The following LAIR1 variants were observed in gnomAD, a reference collection of about 807,000 sequenced individuals.
LAIR1 encodes leukocyte associated immunoglobulin like receptor 1, also known as leukocyte-associated immunoglobulin-like receptor 1.
Under a neutral mutation model 32.8 loss-of-function variants are expected in LAIR1, and 24 were observed. That is an observed-to-expected ratio of 0.73 (90% confidence interval 0.53 to 1.03). The LOEUF (loss-of-function observed/expected upper bound fraction) is 1.03. Among genes scored for constraint, LAIR1 ranks in the 50% least tolerant of loss-of-function variants. LAIR1 has a pLI of 0.00. For missense variants in LAIR1, 355 were observed against 347.5 expected, an observed-to-expected ratio of 1.02 and a Z score of -0.17; for synonymous variants, 150 against 140.5, an observed-to-expected ratio of 1.07 and a Z score of -0.48.
upstream of LAIR1, chr19:54,368,362 T>C (rs1483148724): frequency 1.3e-5 from 2 of 152,206 alleles, no homozygotes; most frequent in African/African-American, 4.8e-5. Flanking sequence ...AACTTAGCAT[T>C]GAACATGAGG....
At chr19:54,367,971 A>C (rs2082306876), upstream of LAIR1, among the ~76,000 whole-genome samples, 1 of 150,626 alleles carries the variant, frequency 6.6e-6, no homozygotes, top group African/African-American at 2.4e-5. Context: ...ACGGGGTTTC[A>C]CCTTGTTAGC....
chr19:54,357,561 G>T (rs757790953), intron 4 of LAIR1: 1 of 153,888 alleles, frequency 6.5e-6, no homozygotes, highest in Non-Finnish European at 1.4e-5. Flanking sequence ...TAGCGGGCGA[G>T]TGTGTGGGGC....
Position 54,356,543 on chromosome 19 carries a change from A to G in LAIR1, c.531T>C (p.Cys177=), listed in dbSNP as rs1318332404. 1 of 1,613,750 alleles carries G rather than the reference A, an allele frequency of 6.2e-7. No individual in the cohort carries two copies. Among genetic ancestry groups the G allele is most frequent in the South Asian group, 1.1e-5 (1 of 91,044 alleles). The change falls in exon 6 of 10, where the codon TGT becomes TGC. Residue 177 remains cysteine, a synonymous_variant. Transcript: ENST00000391742. ...GGCAGAAGAGGACCAGGAGGAGGAG[A>G]CAGAAGAGGAAGACCACTGAGACCC... ...LIGVSVVFLF[C]LLLLVLFCLH... is the part of the protein sequence containing the mutation.
At chr19:54,368,711 A>ATTTATT (rs1569210044), upstream of LAIR1, 3 of 144,768 alleles carry the variant, frequency 2.1e-5, no homozygotes, top group African/African-American at 8.4e-5. Flanking sequence ...ATTTATTTAT[A>ATTTATT]TATTTATTTT....
rs200594234 is a variant in LAIR1, at chr19:54,364,725, A to G, written c.34+46T>C. On this transcript the variant is annotated intron_variant, in intron 1 of 9. Transcript: ENST00000391742. The surrounding 1 kb of genome is among the most constrained non-coding windows in gnomAD (Gnocchi z 4.8). Reference sequence around the variant, plus strand: ...CAGGCTTGAGCAGGGAATTTTCCAGACCTCCCGACCCCCTTTCCAGCCTCC... The same window carrying G: ...CAGGCTTGAGCAGGGAATTTTCCAGGCCTCCCGACCCCCTTTCCAGCCTCC... 1.8e-4 allele frequency: 283 copies of G among 1,530,786 alleles called. No individual in the cohort carries two copies. The Admixed American group carries it at 2.8e-3, about 15-fold the overall frequency. The allele number at this position is 1,530,786 out of a possible 1,614,324, so 94.8% of individuals were successfully genotyped here. A position where few individuals can be genotyped will look rare whatever the true frequency, so the allele number is the denominator to read the frequency against.
chr19:54,373,305 G>T (rs563886158), upstream of LAIR1, among the ~76,000 whole-genome samples: 437 of 149,420 alleles, frequency 2.9e-3, 2 homozygotes, highest in Middle Eastern at 0.011. Flanking sequence ...TTAGCTGGGC[G>T]TGGTGGCGGG....
rs200599345 is a variant in LAIR1, at chr19:54,353,117, T to A, written c.*2151A>T. Reference sequence around the variant, plus strand: ...CAGAGGTTGCAGTGAGCCAAGATTGTGCCATTGCACTCCAGCCTGGGCAAC... The same window carrying A: ...CAGAGGTTGCAGTGAGCCAAGATTGAGCCATTGCACTCCAGCCTGGGCAAC... On this transcript the variant is annotated 3_prime_UTR_variant, in exon 10 of 10. Transcript: ENST00000391742. 2 of 150,744 alleles carry A rather than the reference T, an allele frequency of 1.3e-5. No individual in the cohort carries two copies. The highest frequency in any genetic ancestry group is 4.9e-5 in the African/African-American group (2 of 40,890). 9.3% of individuals were successfully genotyped at this position (150,744 alleles called of 1,614,324 possible). A position where few individuals can be genotyped will look rare whatever the true frequency, so the allele number is the denominator to read the frequency against.
At chr19:54,357,081 T>G in intron 4 of LAIR1, 115 bp from the exon 5 acceptor site, 1 of 956,066 alleles carries the variant, frequency 1.0e-6, no homozygotes, top group South Asian at 1.5e-5. Context: ...GGACCCTGAC[T>G]GCTCCCTCTA....
rs773605496 is a variant in LAIR1 at position 54,356,542 on chromosome 19, G to A, written c.532C>T (p.Leu178Phe). Reference sequence around the variant, plus strand: ...AGGCAGAAGAGGACCAGGAGGAGGAGACAGAAGAGGAAGACCACTGAGACC... The same window carrying A: ...AGGCAGAAGAGGACCAGGAGGAGGAAACAGAAGAGGAAGACCACTGAGACC... The part of the protein sequence containing the change: ...IGVSVVFLFC[L>F]LLLVLFCLHR... Residue 178 changes from leucine to phenylalanine, a missense_variant, in exon 6 of 10, where the codon CTC becomes TTC. By Grantham distance (22) the Leu-to-Phe change is conservative (BLOSUM62 0). Transcript: ENST00000391742. 5.0e-6 allele frequency: 8 copies of A among 1,613,886 alleles called. No homozygotes were observed. In the South Asian group the frequency reaches 7.7e-5, roughly 16 times the overall value.
At chr19:54,364,952 C>CT (rs1447708940), upstream of LAIR1, 1 of 1,543,416 alleles carries the variant, frequency 6.5e-7, no homozygotes, top group African/African-American at 1.4e-5. The surrounding 1 kb of genome is among the most constrained non-coding windows in gnomAD (Gnocchi z 4.8). Context: ...AGAGGAAGAG[C>CT]TTTCTGTCCT....
At chr19:54,362,701 G>C (rs1477651599) in intron 2 of LAIR1, among the ~76,000 whole-genome samples, 1 of 152,188 alleles carries the variant, frequency 6.6e-6, no homozygotes, top group African/African-American at 2.4e-5. Flanking sequence ...GTCCAGGCTG[G>C]TCTCAAACTT....
At chr19:54,356,088 G>A (rs1031087271) in intron 8 of LAIR1, 82 bp from the exon 9 acceptor site, 16 of 1,306,116 alleles carry the variant, frequency 1.2e-5, no homozygotes, top group African/African-American at 7.3e-5. Context: ...CCCAGCTTCC[G>A]ATGACATCCT....
At chr19:54,369,571 G>A (rs184741248), upstream of LAIR1, among the ~76,000 whole-genome samples, 99 of 151,524 alleles carry the variant, frequency 6.5e-4, 6 homozygotes, top group African/African-American at 2.3e-3. Context: ...CCTCCAAGCT[G>A]GAGAAGACAA....
chr19:54,353,573 G>A lies in LAIR1; in HGVS notation c.*1695C>T, dbSNP rs1262342575. 6.6e-6 allele frequency: 1 copy of A among 151,964 alleles called. No homozygotes were observed. The highest frequency in any genetic ancestry group is 1.5e-5 in the Non-Finnish European group (1 of 68,014). 9.4% of individuals were successfully genotyped at this position (151,964 alleles called of 1,614,324 possible). ...CCTTGGACAGGTTACTTCATGTCTC[G>A]GTCCATAGTTTCTGTTTTTATAAAT... On this transcript the variant is annotated 3_prime_UTR_variant, in exon 10 of 10. Coordinates refer to ENST00000391742, the MANE Select transcript of LAIR1 (RefSeq NM_002287.6).
upstream of LAIR1, among the ~76,000 whole-genome samples, chr19:54,374,326 T>G (rs2122683188): frequency 6.6e-6 from 1 of 152,286 alleles, no homozygotes; most frequent in Admixed American, 6.5e-5. Context: ...ACGTCTTAGC[T>G]AACCTGCAGA....
upstream of LAIR1, among the ~76,000 whole-genome samples, chr19:54,365,526 C>T (rs1386875074): frequency 1.3e-5 from 2 of 152,232 alleles, no homozygotes; most frequent in African/African-American, 2.4e-5. Context: ...CGCAGTGGCT[C>T]ACAGCTGTAA....
Position 54,355,010 on chromosome 19 carries a change from A to C in LAIR1, c.*258T>G. 2 of 379,354 alleles carry C rather than the reference A, an allele frequency of 5.3e-6. No homozygotes were observed. The highest frequency in any genetic ancestry group is 4.7e-6 in the Non-Finnish European group (1 of 212,934). The allele number at this position is 379,354 out of a possible 1,614,324, so 23.5% of individuals were successfully genotyped here. ...CTGGGTCTCTAGAAACAGCCAGGGAACTGTAGCTGGGTCTCTGGAAATAAC... is the reference window on the plus strand; with the variant it reads ...CTGGGTCTCTAGAAACAGCCAGGGACCTGTAGCTGGGTCTCTGGAAATAAC... On this transcript the variant is annotated 3_prime_UTR_variant, in exon 10 of 10. Coordinates refer to ENST00000391742, the MANE Select transcript of LAIR1 (RefSeq NM_002287.6). This position sits in a 1 kb window ranked among gnomAD's most constrained non-coding sequence, Gnocchi z 4.7.
At chr19:54,357,040 A>AG in intron 4 of LAIR1, 74 bp from the exon 5 acceptor site, 3 of 1,431,020 alleles carry the variant, frequency 2.1e-6, no homozygotes, top group Non-Finnish European at 2.9e-6. Context: ...GTCCTCCCAC[A>AG]TCCACTGTGG....
intron 4 of LAIR1, chr19:54,358,313 A>G (rs778314237): frequency 2.3e-4 from 36 of 154,404 alleles, no homozygotes; most frequent in Non-Finnish European, 4.7e-4. Flanking sequence ...CATATAATAT[A>G]TAATATACAC....
Sources: gnomAD v4.1 joint callset for allele counts (sites outside exome capture counted in the v4.1 genomes callset) on GRCh38, gnomAD v4.1.1 for gene constraint, Gnocchi (gnomAD v3.1) non-coding constraint, MANE v1.5 for transcripts, NCBI Gene and HGNC (gene_info 2026-07-23, HGNC 2026-07-21) for gene names.